The following C2orf49 variants were observed in gnomAD, a reference collection of about 807,000 sequenced individuals.
C2orf49 encodes tRNA splicing ligase complex subunit 2, also known as tRNA-splicing ligase complex subunit ASW.
A neutral mutation model predicts 20.6 loss-of-function variants in C2orf49; 11 were observed. The ratio of observed to expected loss-of-function variants is 0.53; its 90% CI spans 0.34 to 0.88. The LOEUF is 0.88. Ranked by LOEUF, C2orf49 falls within the 40% of genes least tolerant of loss-of-function variation. C2orf49 has a pLI of 0.02. For synonymous variants in C2orf49, 134 were observed against 108.5 expected (o/e 1.24, Z -1.46); for missense variants, 289 against 274.2 (o/e 1.05, Z -0.38).
At chr2:105,337,983 C>G (rs1276463741) in intron 1 of C2orf49, among the ~76,000 whole-genome samples, 1 of 152,096 alleles carries the variant, frequency 6.6e-6, no homozygotes, top group Non-Finnish European at 1.5e-5. Context: ...TAAGCCCCGA[C>G]CTGAGGAAGA....
Position 105,347,285 on chromosome 2 carries a change from A to G in C2orf49, c.*1914A>G, listed in dbSNP as rs569576509. On this transcript the variant is annotated 3_prime_UTR_variant, in exon 4 of 4. Coordinates refer to ENST00000258457, the MANE Select transcript of C2orf49 (RefSeq NM_024093.3). Reference sequence around the variant, plus strand: ...TATACATACATATATGCAAAAGGGGATTTTAAAAGTGCAGATTATAGAGTA... The same window carrying G: ...TATACATACATATATGCAAAAGGGGGTTTTAAAAGTGCAGATTATAGAGTA... 1 of 152,286 alleles carries G rather than the reference A, an allele frequency of 6.6e-6. No homozygotes were observed. The highest frequency in any genetic ancestry group is 1.5e-5 in the Non-Finnish European group (1 of 68,020). The allele number at this position is 152,286 out of a possible 1,614,324, so 9.4% of individuals were successfully genotyped here. A position where few individuals can be genotyped will look rare whatever the true frequency, so the allele number is the denominator to read the frequency against.
chr2:105,376,710 C>T, the C2orf49 span: 9 of 152,208 alleles, frequency 5.9e-5, no homozygotes, highest in African/African-American at 2.2e-4. Flanking sequence ...TATATTTGTA[C>T]ATCCACGTTC....
the C2orf49 span, among the ~76,000 whole-genome samples, chr2:105,369,734 A>T: frequency 1.8e-4 from 27 of 152,244 alleles, 1 homozygote; most frequent in Non-Finnish European, 5.9e-5. Flanking sequence ...TCTGACATTC[A>T]TTCTGATCAA....
chr2:105,342,980 C>T lies in C2orf49; in HGVS notation c.399C>T (p.Ser133=). ...NDRLKPPPQA[S]FTSNAFRKLS... is the part of the protein sequence containing the mutation. ...GACTGAAGCCTCCCCCGCAGGCAAG[C>T]TTTACCAGTAATGCCTTTAGAAAAT... The change falls in exon 3 of 4, where the codon AGC becomes AGT. Residue 133 remains serine (S), a synonymous_variant. Transcript: ENST00000258457. 6.2e-7 allele frequency: 1 copy of T among 1,614,236 alleles called. No individual in the cohort carries two copies. Among genetic ancestry groups the T allele is most frequent in the Non-Finnish European group, 8.5e-7 (1 of 1,180,046 alleles).
chr2:105,352,102 C>A (rs1679948686), downstream of C2orf49, among the ~76,000 whole-genome samples: 1 of 152,152 alleles, frequency 6.6e-6, no homozygotes, highest in South Asian at 2.1e-4. Context: ...ATAGAGGTTG[C>A]AGAATTGTTA....
rs1327481725 is a variant in C2orf49 at position 105,348,559 on chromosome 2, T to C, written c.*3188T>C. ...ATATATATATATATATATATATATG[T>C]AAGAGCTTCCTCTATTTACTACTGT... On this transcript the variant is annotated 3_prime_UTR_variant, in exon 4 of 4. Coordinates refer to ENST00000258457, the MANE Select transcript of C2orf49 (RefSeq NM_024093.3). 6.9e-6 allele frequency: 1 copy of C among 144,556 alleles called. No individual in the cohort carries two copies. Among genetic ancestry groups the C allele is most frequent in the Non-Finnish European group, 1.5e-5 (1 of 66,300 alleles). 9.0% of individuals were successfully genotyped at this position (144,556 alleles called of 1,614,324 possible). A position where few individuals can be genotyped will look rare whatever the true frequency, so the allele number is the denominator to read the frequency against.
At chr2:105,340,602 T>G (rs2104446221) in intron 2 of C2orf49, among the ~76,000 whole-genome samples, 1 of 152,350 alleles carries the variant, frequency 6.6e-6, no homozygotes, top group South Asian at 2.1e-4. Flanking sequence ...ATGAAGGGCC[T>G]GTTAACTAGC....
the C2orf49 span, chr2:105,358,652 G>A: frequency 6.6e-6 from 1 of 152,186 alleles, no homozygotes; most frequent in Non-Finnish European, 1.5e-5. Context: ...TTTGTTGTAT[G>A]CTTCTGGGGA....
At chr2:105,378,319 G>A in the C2orf49 span, 1 of 390,440 alleles carries the variant, frequency 2.6e-6, no homozygotes, top group African/African-American at 2.1e-5. Flanking sequence ...ATCCATGCAA[G>A]ACTTGGAGAC....
the C2orf49 span, among the ~76,000 whole-genome samples, chr2:105,354,962 A>C: frequency 2.6e-5 from 4 of 152,206 alleles, no homozygotes; most frequent in Admixed American, 2.6e-4. Flanking sequence ...ACATAAAAGC[A>C]CAGAAGAGCT....
chr2:105,343,304 G>C, intron 3 of C2orf49, 81 bp downstream of exon 3: 2 of 1,392,192 alleles, frequency 1.4e-6, no homozygotes, highest in Non-Finnish European at 1.9e-6. Context: ...GAGGTGGGTC[G>C]ACTGTGCTAC....
the C2orf49 span, chr2:105,367,742 G>C: frequency 6.2e-7 from 1 of 1,612,700 alleles, no homozygotes; most frequent in Admixed American, 1.7e-5. Flanking sequence ...GCGGGTACCT[G>C]TCATCAGGGT....
At chr2:105,378,496 G>T in the C2orf49 span, 12 of 215,856 alleles carry the variant, frequency 5.6e-5, no homozygotes, top group East Asian at 1.6e-3. Context: ...GGTGTAGAGT[G>T]GACACCTGAA....
chr2:105,339,019 G>A (rs955005678), intron 1 of C2orf49, among the ~76,000 whole-genome samples: 1 of 152,220 alleles, frequency 6.6e-6, no homozygotes, highest in South Asian at 2.1e-4. Context: ...TGGGGTGCAG[G>A]CTTTTCTAAT....
chr2:105,357,799 C>T, the C2orf49 span: 2 of 152,046 alleles, frequency 1.3e-5, no homozygotes, highest in East Asian at 3.9e-4. Context: ...GTAATTGTTC[C>T]TTTACCTTCC....
rs1679871472 is a variant in C2orf49, at chr2:105,348,595, T to A, written c.*3224T>A. On this transcript the variant is annotated 3_prime_UTR_variant, in exon 4 of 4. Transcript: ENST00000258457. ...TCTATTTACTACTGTTGAACTTCAG[T>A]AATTTTTAGAGGCTAAATAATGGTC... The A allele has an allele frequency of 6.7e-6, 1 of 149,450 alleles. No homozygotes were observed. The highest frequency in any genetic ancestry group is 1.5e-5 in the Non-Finnish European group (1 of 67,536). 9.3% of individuals were successfully genotyped at this position (149,450 alleles called of 1,614,324 possible). A position where few individuals can be genotyped will look rare whatever the true frequency, so the allele number is the denominator to read the frequency against.
chr2:105,372,510 C>T, the C2orf49 span, among the ~76,000 whole-genome samples: 1 of 152,238 alleles, frequency 6.6e-6, no homozygotes, highest in East Asian at 1.9e-4. Flanking sequence ...CAGGGGTGAG[C>T]CACCACACCT....
the C2orf49 span, among the ~76,000 whole-genome samples, chr2:105,380,265 G>A: frequency 6.6e-6 from 1 of 152,188 alleles, no homozygotes; most frequent in African/African-American, 2.4e-5. Flanking sequence ...GCCTAGAAGC[G>A]AGATTGTCAT....
downstream of C2orf49, among the ~76,000 whole-genome samples, chr2:105,350,750 T>G (rs141778068): frequency 6.6e-6 from 1 of 152,190 alleles, no homozygotes; most frequent in Non-Finnish European, 1.5e-5. Context: ...AAATAAACTT[T>G]TAAAAAATAA....
Sources: allele counts gnomAD v4.1 joint callset (sites outside exome capture counted in the v4.1 genomes callset), GRCh38; gene constraint gnomAD v4.1.1; transcripts MANE v1.5; gene names NCBI Gene and HGNC (gene_info 2026-07-23, HGNC 2026-07-21).